The following AGO3 variants were observed in gnomAD, a reference collection of about 807,000 sequenced individuals.
AGO3 encodes the protein argonaute RISC catalytic component 3.
AGO3 carries 16 observed loss-of-function variants against 105.5 expected under a neutral mutation model. The ratio of observed to expected loss-of-function variants is 0.15; its 90% CI spans 0.10 to 0.23. The LOEUF (loss-of-function observed/expected upper bound fraction) is 0.23, where lower values mean the gene tolerates loss of function less well. AGO3 is among the 10% of genes least tolerant of loss of function. The pLI, the probability that AGO3 is intolerant of heterozygous loss-of-function variation, is 1.00. For missense variants in AGO3, 534 were observed against 1,088.0 expected (o/e 0.49, Z 7.16); for synonymous variants, 340 against 367.3 (o/e 0.93, Z 0.85).
intron 11 of AGO3, among the ~76,000 whole-genome samples, chr1:36,016,980 G>A (rs1569802665): frequency 1.3e-5 from 2 of 152,200 alleles, no homozygotes; most frequent in South Asian, 4.2e-4. Flanking sequence ...TCCTCACTTA[G>A]GTAAGAGTGT....
intron 11 of AGO3, among the ~76,000 whole-genome samples, chr1:36,022,206 A>G (rs551071468): frequency 2.0e-4 from 31 of 151,898 alleles, no homozygotes; most frequent in Non-Finnish European, 3.7e-4. Context: ...CTGGGACCAC[A>G]GGGACTTGCC....
chr1:35,961,569 C>T (rs1646677582), intron 2 of AGO3, among the ~76,000 whole-genome samples: 1 of 152,110 alleles, frequency 6.6e-6, no homozygotes, highest in African/African-American at 2.4e-5. Flanking sequence ...TGAGTTTTTC[C>T]TATTCCAGAC....
At position 36,058,921 on chromosome 1, in the gene AGO3, C is replaced by A. The variant is rs925948889; in HGVS notation, c.*3176C>A. The A allele has an allele frequency of 2.6e-5, 4 of 151,988 alleles. No individual in the cohort carries two copies. The highest frequency in any genetic ancestry group is 4.4e-5 in the Non-Finnish European group (3 of 67,996). 9.4% of individuals were successfully genotyped at this position (151,988 alleles called of 1,614,324 possible). On this transcript the variant is annotated 3_prime_UTR_variant, in exon 19 of 19. Transcript: ENST00000373191. Reference sequence around the variant, plus strand: ...TACCCAAGATGATAAAAATTTAATTCGTCTATGCTTGATCAGTGTGAGTAA... The same window carrying A: ...TACCCAAGATGATAAAAATTTAATTAGTCTATGCTTGATCAGTGTGAGTAA...
chr1:35,983,170 A>C (rs904017292), intron 5 of AGO3: 1 of 152,266 alleles, frequency 6.6e-6, no homozygotes, highest in African/African-American at 2.4e-5. Context: ...CCATTACTTA[A>C]AGTCAACAGA....
intron 5 of AGO3, among the ~76,000 whole-genome samples, chr1:35,994,036 G>A (rs553549315): frequency 8.0e-5 from 10 of 125,780 alleles, no homozygotes; most frequent in South Asian, 2.6e-4. Context: ...GAGCCACTGC[G>A]CCCAGATTTT....
At chr1:35,973,983 T>A (rs1646913184) in intron 5 of AGO3, among the ~76,000 whole-genome samples, 1 of 152,212 alleles carries the variant, frequency 6.6e-6, no homozygotes, top group African/African-American at 2.4e-5. Context: ...TATTATGAAC[T>A]ACCACATAGG....
chr1:36,026,991 C>T (rs905516902), intron 11 of AGO3, 123 bp from the exon 12 acceptor site: 2 of 1,141,802 alleles, frequency 1.8e-6, no homozygotes, highest in African/African-American at 1.6e-5. Flanking sequence ...CTGGTGACCT[C>T]TCATATATGA....
intron 9 of AGO3, 151 bp downstream of exon 9, chr1:36,009,745 T>C (rs1266835680): frequency 1.2e-6 from 1 of 868,272 alleles, no homozygotes; most frequent in Non-Finnish European, 1.7e-6. Context: ...ATGTTCTTGA[T>C]ACAAGCCTTG....
chr1:36,047,617 C>T (rs953028454), intron 17 of AGO3, among the ~76,000 whole-genome samples: 1 of 152,158 alleles, frequency 6.6e-6, no homozygotes, highest in Non-Finnish European at 1.5e-5. Flanking sequence ...TGGTGGCTTA[C>T]ACCTGTAATC....
chr1:36,017,670 A>C (rs1445493669), intron 11 of AGO3, among the ~76,000 whole-genome samples: 1 of 152,110 alleles, frequency 6.6e-6, no homozygotes, highest in African/African-American at 2.4e-5. Context: ...TGGGAGGCTG[A>C]GGTGGGCAGA....
At chr1:35,970,595 G>A (rs1646847714) in intron 3 of AGO3, among the ~76,000 whole-genome samples, 1 of 151,858 alleles carries the variant, frequency 6.6e-6, no homozygotes, top group Admixed American at 6.6e-5. Flanking sequence ...TACATACTGT[G>A]TTCAAGAGTT....
intron 1 of AGO3, among the ~76,000 whole-genome samples, chr1:35,931,730 T>C (rs1334695437): frequency 6.6e-6 from 1 of 152,262 alleles, no homozygotes; most frequent in African/African-American, 2.4e-5. Flanking sequence ...TCTTCTAGAC[T>C]TTAGAATGGT....
chr1:35,944,653 AC>A (rs1178271654), intron 1 of AGO3, among the ~76,000 whole-genome samples: 1 of 141,474 alleles, frequency 7.1e-6, no homozygotes, highest in African/African-American at 2.7e-5. Flanking sequence ...GGCCTGCACC[AC>A]CATGCCTGGC....
chr1:35,990,287 T>A (rs1334310990), intron 5 of AGO3, among the ~76,000 whole-genome samples: 1 of 152,078 alleles, frequency 6.6e-6, no homozygotes, highest in Non-Finnish European at 1.5e-5. Flanking sequence ...GGGGGGTGGA[T>A]CACGAGGTCA....
chr1:35,991,498 G>A (rs1647649247), intron 5 of AGO3, among the ~76,000 whole-genome samples: 1 of 148,788 alleles, frequency 6.7e-6, no homozygotes, highest in Admixed American at 6.7e-5. Flanking sequence ...AAAATTTTCA[G>A]AATCTTCATG....
chr1:36,024,712 C>T (rs1641415990), intron 11 of AGO3, among the ~76,000 whole-genome samples: 1 of 152,114 alleles, frequency 6.6e-6, no homozygotes, highest in African/African-American at 2.4e-5. Context: ...GAGACAGAGT[C>T]TCACTCTGTC....
In AGO3 at chr1:36,030,519, A is replaced by AG. The variant is rs1553169228; in HGVS notation, c.1591+3221_1591+3222insG. On this transcript the variant is annotated intron_variant, in intron 12 of 18. Coordinates refer to ENST00000373191, the MANE Select transcript of AGO3 (RefSeq NM_024852.4). ...GACCCTTTCTCAAAAAAAAAAAAAA[A>AG]AGAGAGAAGAAAAGTACAAATCAAT... Among the ~76,000 whole-genome samples the AG allele has an allele frequency of 7.8e-3, 1,190 of 151,892 alleles. 15 individuals carry two copies. Among genetic ancestry groups the AG allele is most frequent in the African/African-American group, 0.027 (1,118 of 41,348 alleles).
At chr1:36,020,853 G>A (rs901904009) in intron 11 of AGO3, among the ~76,000 whole-genome samples, 4 of 152,080 alleles carry the variant, frequency 2.6e-5, no homozygotes, top group Non-Finnish European at 4.4e-5. Flanking sequence ...CTGACCTCAA[G>A]TGGTCTACCA....
chr1:36,050,154 C>T (rs1420187358), intron 17 of AGO3, among the ~76,000 whole-genome samples: 3 of 152,142 alleles, frequency 2.0e-5, no homozygotes, highest in Non-Finnish European at 4.4e-5. Context: ...CAGGATAGAC[C>T]ACATGTTAGG....
Sources: allele counts gnomAD v4.1 joint callset (sites outside exome capture counted in the v4.1 genomes callset), GRCh38; gene constraint gnomAD v4.1.1; transcripts MANE v1.5; gene names NCBI Gene and HGNC (gene_info 2026-07-23, HGNC 2026-07-21).